Variants in PJA2 observed in about 807,000 individuals in gnomAD.
PJA2 encodes praja ring finger ubiquitin ligase 2, also known as E3 ubiquitin-protein ligase Praja-2.
PJA2 carries 25 observed loss-of-function variants against 69.3 expected under a neutral mutation model. The ratio of observed to expected loss-of-function variants is 0.36; its 90% CI spans 0.26 to 0.50. The LOEUF is 0.50. Among genes scored for constraint, PJA2 ranks in the 20% least tolerant of loss-of-function variants. The probability of loss-of-function intolerance (pLI) is 0.96; values close to 1 mark genes in which losing one functional copy is unlikely to be tolerated. For synonymous variants in PJA2, 308 were observed against 277.8 expected, an observed-to-expected ratio of 1.11 and a Z score of -1.08; for missense variants, 809 against 830.2, an observed-to-expected ratio of 0.97 and a Z score of 0.31.
intron 6 of PJA2, among the ~76,000 whole-genome samples, chr5:109,361,126 TCAAA>T (rs373916816): frequency 6.6e-6 from 1 of 152,158 alleles, no homozygotes; most frequent in African/African-American, 2.4e-5. Context: ...AGACTCCATC[TCAAA>T]CAAACAAACA....
chr5:109,336,649 T>G lies in PJA2; in HGVS notation c.*582A>C, dbSNP rs1292140108. 6.6e-6 allele frequency: 1 copy of G among 152,196 alleles called. No homozygotes were observed. The highest frequency in any genetic ancestry group is 1.5e-5 in the Non-Finnish European group (1 of 68,042). 9.4% of individuals were successfully genotyped at this position (152,196 alleles called of 1,614,324 possible). On this transcript the variant is annotated 3_prime_UTR_variant, in exon 10 of 10. Transcript: ENST00000361189. Reference sequence around the variant, plus strand: ...GGAGTTACGTCTACGATTTAAAACTTTTGTAATGTTCTGGCCAAAATTTTA... The same window carrying G: ...GGAGTTACGTCTACGATTTAAAACTGTTGTAATGTTCTGGCCAAAATTTTA...
Position 109,368,739 on chromosome 5 carries a change from A to G in PJA2, c.1291T>C (p.Cys431Arg), listed in dbSNP as rs1028611582. ...LYDKDEDSSE[C>R]SDGEWSASLP... ...GAAGCAGACCATTCCCCATCACTGC[A>G]TTCAGAACTGCAAATCAGAAGAGAA... The change falls in exon 5 of 10, where the codon TGC becomes CGC. Residue 431 changes from cysteine to arginine, a missense_variant. Around this residue, in one of 4 missense-constraint regions of PJA2, gnomAD observed 700 missense variants for 639.5 expected, o/e 1.09. Transcript: ENST00000361189. 2.5e-6 allele frequency: 4 copies of G among 1,611,066 alleles called. No individual in the cohort carries two copies. The highest frequency in any genetic ancestry group is 3.4e-6 in the Non-Finnish European group (4 of 1,179,092).
intron 4 of PJA2, among the ~76,000 whole-genome samples, chr5:109,372,265 G>A (rs775626866): frequency 6.6e-6 from 1 of 152,142 alleles, no homozygotes; most frequent in Non-Finnish European, 1.5e-5. Flanking sequence ...ACTGCTATCT[G>A]ATCCCAGTAC....
intron 9 of PJA2, among the ~76,000 whole-genome samples, chr5:109,341,362 C>T (rs974930724): frequency 3.4e-5 from 5 of 149,188 alleles, no homozygotes; most frequent in Non-Finnish European, 7.5e-5. Flanking sequence ...AGCATCTCTG[C>T]CCGGCCGCCC....
Position 109,355,999 on chromosome 5 carries a change from T to C in PJA2, c.1680A>G (p.Leu560=). ...WSLFDGFADG[L]GVAEAISYVD... ...CATATGAAATAGCTTCAGCAACTCC[T>C]AGTCCATCTGCAAAGCCATCAAATA... The change falls in exon 7 of 10, where the codon CTA becomes CTG. Residue 560 remains leucine (L), a synonymous_variant. Coordinates refer to ENST00000361189, the MANE Select transcript of PJA2 (RefSeq NM_014819.5). 1.9e-6 allele frequency: 3 copies of C among 1,612,272 alleles called. No homozygotes were observed. The highest frequency in any genetic ancestry group is 2.5e-6 in the Non-Finnish European group (3 of 1,179,588).
chr5:109,334,733 TTC>T lies in PJA2; in HGVS notation c.*2496_*2497del, dbSNP rs1171824595. 13 of 152,780 alleles carry T rather than the reference TTC, an allele frequency of 8.5e-5. No individual in the cohort carries two copies. The highest frequency in any genetic ancestry group is 4.6e-4 in the Admixed American group (7 of 15,310). 9.5% of individuals were successfully genotyped at this position (152,780 alleles called of 1,614,324 possible). ...ATATTAGAAATGACCACCGAGTATA[TTC>T]TGTTTATTGTTTATGATTTACACAG... On this transcript the variant is annotated 3_prime_UTR_variant, in exon 10 of 10. Coordinates refer to ENST00000361189, the MANE Select transcript of PJA2 (RefSeq NM_014819.5).
Position 109,368,315 on chromosome 5 carries a change from C to T in PJA2, c.1469+246G>A, listed in dbSNP as rs150524883. Reference sequence around the variant, plus strand: ...CTTAACCAAAATGACATTTTAGGTGCCCAACTTTTCTTATTAAAGCCAAGT... The same window carrying T: ...CTTAACCAAAATGACATTTTAGGTGTCCAACTTTTCTTATTAAAGCCAAGT... On this transcript the variant is annotated intron_variant, in intron 5 of 9. Coordinates refer to ENST00000361189, the MANE Select transcript of PJA2 (RefSeq NM_014819.5). Among the ~76,000 whole-genome samples the T allele has an allele frequency of 5.6e-3, 851 of 152,282 alleles. 1 individual carries two copies. The highest frequency in any genetic ancestry group is 8.9e-3 in the Non-Finnish European group (608 of 68,022).
At chr5:109,373,583 C>G (rs1282584512) in intron 4 of PJA2, among the ~76,000 whole-genome samples, 2 of 152,006 alleles carry the variant, frequency 1.3e-5, no homozygotes, top group Non-Finnish European at 2.9e-5. Flanking sequence ...AGCAACAGAA[C>G]AAATAGGACA....
At chr5:109,374,741 C>T (rs545195937) in intron 4 of PJA2, among the ~76,000 whole-genome samples, 5 of 152,260 alleles carry the variant, frequency 3.3e-5, no homozygotes, top group South Asian at 2.1e-4. Context: ...CCTAAGGCCA[C>T]AAAAATTCTG....
At chr5:109,409,317 A>G in intron 1 of PJA2, 1 of 152,462 alleles carries the variant, frequency 6.6e-6, no homozygotes, top group Non-Finnish European at 1.5e-5. Flanking sequence ...GGGAAAATGC[A>G]GACGCCCAGC....
intron 6 of PJA2, among the ~76,000 whole-genome samples, chr5:109,359,295 A>G (rs1297369743): frequency 6.6e-6 from 1 of 152,220 alleles, no homozygotes; most frequent in African/African-American, 2.4e-5. Flanking sequence ...GCTTCTGGTC[A>G]ACAGTGGGCT....
chr5:109,406,491 A>G (rs1747696163), intron 1 of PJA2, among the ~76,000 whole-genome samples: 1 of 152,180 alleles, frequency 6.6e-6, no homozygotes, highest in Non-Finnish European at 1.5e-5. Context: ...TATACCCACT[A>G]AAAGGGCTAA....
At chr5:109,358,165 A>C (rs1408677666) in intron 6 of PJA2, among the ~76,000 whole-genome samples, 2 of 152,226 alleles carry the variant, frequency 1.3e-5, no homozygotes, top group Non-Finnish European at 2.9e-5. Context: ...CCATGCTAGA[A>C]GGTTGTGGGT....
At chr5:109,398,917 T>C (rs1329351522) in intron 1 of PJA2, among the ~76,000 whole-genome samples, 2 of 152,002 alleles carry the variant, frequency 1.3e-5, no homozygotes, top group Non-Finnish European at 2.9e-5. Context: ...GCACAAAACC[T>C]ATCAAAGAAA....
intron 1 of PJA2, among the ~76,000 whole-genome samples, chr5:109,400,647 C>A (rs1747521875): frequency 1.3e-5 from 2 of 152,146 alleles, no homozygotes. Flanking sequence ...AAAATGTACA[C>A]ATATCCCAAG....
rs768574090 is a variant in PJA2, at chr5:109,378,669, G to A, written c.818C>T (p.Thr273Ile). Residue 273 changes from threonine (T) to isoleucine (I), a missense_variant, in exon 4 of 10, where the codon ACT becomes ATT. This residue lies in a region of PJA2 where 700 missense variants were observed against 639.5 expected (regional missense o/e 1.09). Transcript: ENST00000361189. ...EMVSTKQQNN[T>I]SQERQTEHSP... ...ATGTTCTGTCTGTCTTTCCTGGCTA[G>A]TATTATTTTGTTGTTTCGTACTAAC... is the stretch of plus-strand genomic sequence containing the variant. 8 of 1,613,894 alleles carry A rather than the reference G, an allele frequency of 5.0e-6. No homozygotes were observed. Among genetic ancestry groups the A allele is most frequent in the Non-Finnish European group, 6.8e-6 (8 of 1,180,008 alleles).
intron 1 of PJA2, among the ~76,000 whole-genome samples, chr5:109,394,164 C>T (rs1046560020): frequency 1.3e-5 from 2 of 150,146 alleles, no homozygotes; most frequent in African/African-American, 4.9e-5. Context: ...TCTCCTGCCT[C>T]AGCCTCCCGA....
chr5:109,395,285 A>T (rs1360919532), intron 1 of PJA2, among the ~76,000 whole-genome samples: 1 of 152,260 alleles, frequency 6.6e-6, no homozygotes, highest in African/African-American at 2.4e-5. Flanking sequence ...CAATTCCAGC[A>T]CTTTGGGATG....
At chr5:109,341,150 G>A (rs1393521727) in intron 9 of PJA2, among the ~76,000 whole-genome samples, 2 of 112,514 alleles carry the variant, frequency 1.8e-5, no homozygotes, top group East Asian at 4.4e-4. Context: ...AGTCTGGAAA[G>A]TGAGGAGCGT....
Sources: gnomAD v4.1 joint callset for allele counts (sites outside exome capture counted in the v4.1 genomes callset) on GRCh38, gnomAD v4.1.1 for gene constraint, gnomAD v4.1.1 regional missense constraint, MANE v1.5 for transcripts, NCBI Gene and HGNC (gene_info 2026-07-23, HGNC 2026-07-21) for gene names.